The following ATAD5 variants were observed in gnomAD, a reference collection of about 807,000 sequenced individuals.
ATAD5 encodes ATPase family AAA domain containing 5, also known as ATPase family AAA domain-containing protein 5.
A neutral mutation model predicts 176.9 loss-of-function variants in ATAD5; 58 were observed. That is an observed-to-expected ratio of 0.33 (90% CI 0.27 to 0.41). The LOEUF (loss-of-function observed/expected upper bound fraction) is 0.41, where lower values mean the gene tolerates loss of function less well. ATAD5 is among the 10% of genes least tolerant of loss of function. The pLI is 1.00. For missense variants in ATAD5, 1,789 were observed against 2,094.1 expected, an observed-to-expected ratio of 0.85 and a Z score of 2.84; for synonymous variants, 640 against 712.6, an observed-to-expected ratio of 0.90 and a Z score of 1.62.
At chr17:30,838,091 T>A (rs1311114064) in intron 3 of ATAD5, among the ~76,000 whole-genome samples, 5 of 152,210 alleles carry the variant, frequency 3.3e-5, no homozygotes, top group Admixed American at 3.3e-4. Flanking sequence ...AACTCCTGTA[T>A]AATGACAACC....
Position 30,844,820 on chromosome 17 carries a change from A to G in ATAD5, c.2369-15A>G. ...GGTAAACATTGATACTAACCCAAGT[A>G]TTTATTTTTCTAAGGAAAAATGAAA... On this transcript the variant is annotated splice_polypyrimidine_tract_variant and intron_variant, in intron 5 of 22. Transcript: ENST00000321990. The G allele has an allele frequency of 6.4e-7, 1 of 1,550,602 alleles. No homozygotes were observed. The highest frequency in any genetic ancestry group is 8.8e-7 in the Non-Finnish European group (1 of 1,138,580).
intron 6 of ATAD5, among the ~76,000 whole-genome samples, chr17:30,845,736 G>A (rs1906456667): frequency 6.6e-6 from 1 of 152,170 alleles, no homozygotes; most frequent in Non-Finnish European, 1.5e-5. Context: ...ATAAAGAATG[G>A]AATGGAAGAG....
intron 6 of ATAD5, 66 bp downstream of exon 6, chr17:30,844,982 A>G: frequency 7.5e-7 from 1 of 1,331,204 alleles, no homozygotes; most frequent in South Asian, 1.3e-5. Context: ...TGATGTGTTT[A>G]CTTTGATGAG....
At chr17:30,866,260 C>T (rs1907973451) in intron 11 of ATAD5, among the ~76,000 whole-genome samples, 1 of 131,738 alleles carries the variant, frequency 7.6e-6, no homozygotes, top group East Asian at 2.3e-4. Flanking sequence ...TGTAATGGCA[C>T]GATCTTGGCT....
In ATAD5 at chr17:30,850,869, A is replaced by ATTTT. The variant is rs58433358; in HGVS notation, c.2451-4244_2451-4241dup. Among the ~76,000 whole-genome samples, 3 of 14,770 alleles carry ATTTT rather than the reference A, an allele frequency of 2.0e-4. 1 individual carries two copies. Among genetic ancestry groups the ATTTT allele is most frequent in the East Asian group, 7.8e-3 (2 of 258 alleles). 9.7% of individuals were successfully genotyped at this position (14,770 alleles called of 152,430 possible). On this transcript the variant is annotated intron_variant, in intron 6 of 22. Transcript: ENST00000321990. The stretch of plus-strand genomic sequence containing the variant: ...TATATATATATATATATATATATAT[A>ATTTT]TTTTTTTTTTTTTTTTTTTTTTTTT...
In ATAD5 at chr17:30,834,236, G is replaced by C. The variant is rs1335125424; in HGVS notation, c.155G>C (p.Arg52Thr). The change falls in exon 2 of 23, where the codon AGG (arginine) becomes ACG (threonine). Residue 52 changes from arginine (R) to threonine (T), a missense_variant. By Grantham distance (71) the Arg-to-Thr change is moderately conservative. Coordinates refer to ENST00000321990, the MANE Select transcript of ATAD5 (RefSeq NM_024857.5). The part of the protein sequence containing the change: ...YLSPLGKTRD[R>T]VFAPPKPSNI... ...TCACCACTAGGGAAGACTAGAGACA[G>C]GGTTTTTGCTCCACCAAAACCTAGT... 6.2e-7 allele frequency: 1 copy of C among 1,613,168 alleles called. No individual in the cohort carries two copies. The highest frequency in any genetic ancestry group is 1.1e-5 in the South Asian group (1 of 90,830).
intron 18 of ATAD5, among the ~76,000 whole-genome samples, chr17:30,883,823 A>G (rs1909163152): frequency 6.6e-6 from 1 of 152,170 alleles, no homozygotes; most frequent in South Asian, 2.1e-4. Context: ...TGCTGGGATT[A>G]GAGGTGTGAG....
At chr17:30,840,866 A>G in intron 4 of ATAD5, 85 bp downstream of exon 4, 1 of 1,369,212 alleles carries the variant, frequency 7.3e-7, no homozygotes, top group African/African-American at 1.5e-5. Flanking sequence ...TAAAGTTATA[A>G]GGTAGGTTTG....
chr17:30,885,027 G>A (rs1384241480), intron 18 of ATAD5, among the ~76,000 whole-genome samples: 3 of 151,870 alleles, frequency 2.0e-5, no homozygotes, highest in African/African-American at 7.2e-5. Flanking sequence ...GATTACAGGC[G>A]TGAGCCACCG....
In ATAD5 at chr17:30,835,511, A is replaced by G. The variant is rs753555598; in HGVS notation, c.1430A>G (p.Lys477Arg). The change falls in exon 2 of 23, where the codon AAG (lysine) becomes AGG (arginine). Residue 477 changes from lysine to arginine, a missense_variant. Lys to Arg is a conservative substitution (Grantham distance 26, BLOSUM62 2). This residue lies in a region of ATAD5 where 696 missense variants were observed against 712.5 expected (regional missense o/e 0.98). Coordinates refer to ENST00000321990, the MANE Select transcript of ATAD5 (RefSeq NM_024857.5). ...AGTTTTCTGAAGGAGAAAAATAAAA[A>G]GCTAAAGAAGAAGAATAAGAAAACA... ...KGSFLKEKNK[K>R]LKKKNKKTLD... 1.9e-6 allele frequency: 3 copies of G among 1,606,256 alleles called. No individual in the cohort carries two copies. Among genetic ancestry groups the G allele is most frequent in the Non-Finnish European group, 8.5e-7 (1 of 1,178,306 alleles).
chr17:30,889,291 G>C (rs1283853646), intron 19 of ATAD5, among the ~76,000 whole-genome samples: 1 of 150,124 alleles, frequency 6.7e-6, no homozygotes, highest in Non-Finnish European at 1.5e-5. Context: ...TCCTGTCCTA[G>C]CCTCCTGAGA....
intron 14 of ATAD5, 77 bp from the exon 15 acceptor site, chr17:30,876,297 C>A: frequency 7.7e-7 from 1 of 1,292,752 alleles, no homozygotes; most frequent in South Asian, 1.7e-5. Context: ...AGTAGAAATA[C>A]AGAATGTGGC....
At chr17:30,871,608 C>T (rs1366362585) in intron 14 of ATAD5, among the ~76,000 whole-genome samples, 2 of 152,084 alleles carry the variant, frequency 1.3e-5, no homozygotes, top group African/African-American at 4.8e-5. Flanking sequence ...CCATGGCCTC[C>T]CAAAGTGCTG....
At chr17:30,842,252 G>A (rs2024301114) in intron 4 of ATAD5, among the ~76,000 whole-genome samples, 1 of 151,382 alleles carries the variant, frequency 6.6e-6, no homozygotes, top group South Asian at 2.1e-4. Flanking sequence ...CTGGGTAACA[G>A]AGTGAGACTC....
intron 18 of ATAD5, among the ~76,000 whole-genome samples, chr17:30,884,770 CAG>C (rs1474002557): frequency 1.6e-5 from 2 of 121,802 alleles, no homozygotes; most frequent in Non-Finnish European, 3.3e-5. Flanking sequence ...TTTTTTGAGA[CAG>C]AGTCTTGCTG....
intron 14 of ATAD5, among the ~76,000 whole-genome samples, chr17:30,873,714 C>T (rs1259880572): frequency 2.8e-5 from 3 of 107,652 alleles, no homozygotes; most frequent in African/African-American, 4.8e-5. Context: ...TTTGAAAAGA[C>T]GGGGTCTTCC....
rs183867638 is a variant in ATAD5, at chr17:30,876,124, G to A, written c.3608-250G>A. On this transcript the variant is annotated intron_variant, in intron 14 of 22. Coordinates refer to ENST00000321990, the MANE Select transcript of ATAD5 (RefSeq NM_024857.5). ...TGCACTCCAGCCTGGGCGACGGAGCGAGACCCTGTCTCAAAAAAATAAAAT... is the reference window on the plus strand; with the variant it reads ...TGCACTCCAGCCTGGGCGACGGAGCAAGACCCTGTCTCAAAAAAATAAAAT... Among the ~76,000 whole-genome samples, 49 of 152,020 alleles carry A rather than the reference G, an allele frequency of 3.2e-4. No homozygotes were observed. The East Asian group carries it at 7.9e-3, about 25-fold the overall frequency.
rs1175516925 is a variant in ATAD5, at chr17:30,834,312, A to G, written c.231A>G (p.Gln77=). ...RKTSPTNEKT[Q]LGKECKIKSP... ...CTTCACCCACAAATGAGAAGACACAATTAGGGAAAGAGTGCAAGATAAAGT... is the reference window on the plus strand; with the variant it reads ...CTTCACCCACAAATGAGAAGACACAGTTAGGGAAAGAGTGCAAGATAAAGT... The change falls in exon 2 of 23, where the codon CAA becomes CAG. Residue 77 remains glutamine (Q), a synonymous_variant. Transcript: ENST00000321990. 4 of 1,613,430 alleles carry G rather than the reference A, an allele frequency of 2.5e-6. No homozygotes were observed. Among genetic ancestry groups the G allele is most frequent in the South Asian group, 2.2e-5 (2 of 90,884 alleles).
At chr17:30,876,841 C>A (rs1424610798) in intron 15 of ATAD5, among the ~76,000 whole-genome samples, 1 of 151,236 alleles carries the variant, frequency 6.6e-6, no homozygotes, top group Non-Finnish European at 1.5e-5. Flanking sequence ...CTCAGCCTCC[C>A]GAGTAGCTGG....
Sources: allele counts gnomAD v4.1 joint callset (sites outside exome capture counted in the v4.1 genomes callset), GRCh38; gene constraint gnomAD v4.1.1; regional missense constraint gnomAD v4.1.1; transcripts MANE v1.5; gene names NCBI Gene and HGNC (gene_info 2026-07-23, HGNC 2026-07-21).